Variants in DYNC2H1 observed in about 807,000 individuals in gnomAD.
DYNC2H1 encodes cytoplasmic dynein 2 heavy chain 1.
In DYNC2H1, 410 loss-of-function variants were observed where a neutral mutation model predicts 570.0. That is an observed-to-expected ratio of 0.72 (90% confidence interval 0.66 to 0.78). The LOEUF (loss-of-function observed/expected upper bound fraction) is 0.78. Ranked by LOEUF, DYNC2H1 falls within the 30% of genes least tolerant of loss-of-function variation. The pLI is 0.00. For synonymous variants in DYNC2H1, 1,688 were observed against 1,677.6 expected, an observed-to-expected ratio of 1.01 and a Z score of -0.15; for missense variants, 4,865 against 5,046.4, an observed-to-expected ratio of 0.96 and a Z score of 1.09.
intron 17 of DYNC2H1, among the ~76,000 whole-genome samples, chr11:103,142,117 T>A (rs1003902202): frequency 6.6e-6 from 1 of 152,256 alleles, no homozygotes; most frequent in African/African-American, 2.4e-5. Flanking sequence ...CTGTCACCCC[T>A]TTCTTTGACT....
intron 87 of DYNC2H1, among the ~76,000 whole-genome samples, chr11:103,463,611 C>G (rs1317291474): frequency 6.6e-6 from 1 of 152,006 alleles, no homozygotes; most frequent in African/African-American, 2.4e-5. Flanking sequence ...ATTAGCCAGG[C>G]CTGGTGGTGC....
At chr11:103,258,899 A>T (rs1406584190) in intron 69 of DYNC2H1, among the ~76,000 whole-genome samples, 1 of 152,200 alleles carries the variant, frequency 6.6e-6, no homozygotes, top group Non-Finnish European at 1.5e-5. Context: ...TCTCAATTTC[A>T]TATGTGATCT....
chr11:103,342,572 G>A lies in DYNC2H1; in HGVS notation c.12040-15671G>A, dbSNP rs187139508. On this transcript the variant is annotated intron_variant, in intron 82 of 88. Transcript: ENST00000375735. ...GGCTGGAGTGCAGTGGCGTGATCTC[G>A]GCTCACTGCAAGCTCCGCCTCCCAG... is the stretch of plus-strand genomic sequence containing the variant. 8.7e-5 allele frequency among the ~76,000 whole-genome samples: 13 copies of A among 149,868 alleles called. No homozygotes were observed. The East Asian group carries it at 1.2e-3, about 14-fold the overall frequency.
rs10690307 is a variant in DYNC2H1, at chr11:103,304,736, T to TGCG, written c.11382+17_11382+18insCGG. On this transcript the variant is annotated intron_variant, in intron 77 of 88. Transcript: ENST00000375735. ...TCTGGAAAAGGTAGATTCAGATAAA[T>TGCG]GTACAAATAATATCTATTATACTCA... 8.6e-5 allele frequency: 139 copies of TGCG among 1,610,722 alleles called. 1 individual carries two copies. In the Admixed American group the frequency reaches 2.3e-3, roughly 26 times the overall value.
chr11:103,109,511 T>C lies in DYNC2H1; in HGVS notation c.-64T>C. ...AGCAAAGCTCCTCTCTTCCCTTCACTTCCCTCCGGACTGGTTTCTTCTTCC... is the reference window on the plus strand; with the variant it reads ...AGCAAAGCTCCTCTCTTCCCTTCACCTCCCTCCGGACTGGTTTCTTCTTCC... On this transcript the variant is annotated 5_prime_UTR_variant, in exon 1 of 89. Coordinates refer to ENST00000375735, the MANE Select transcript of DYNC2H1 (RefSeq NM_001377.3). The C allele has an allele frequency of 6.7e-7, 1 of 1,489,298 alleles. No individual in the cohort carries two copies. The highest frequency in any genetic ancestry group is 1.2e-5 in the South Asian group (1 of 81,748). The allele number at this position is 1,489,298 out of a possible 1,614,324, so 92.3% of individuals were successfully genotyped here. A position where few individuals can be genotyped will look rare whatever the true frequency, so the allele number is the denominator to read the frequency against.
At chr11:103,161,073 C>G in intron 29 of DYNC2H1, 29 bp downstream of exon 29, 1 of 1,205,040 alleles carries the variant, frequency 8.3e-7, no homozygotes, top group South Asian at 1.6e-5. Flanking sequence ...AATATGAAAA[C>G]AAAAAGAATT....
chr11:103,351,924 A>G lies in DYNC2H1; in HGVS notation c.12040-6319A>G, dbSNP rs531799067. Among the ~76,000 whole-genome samples, 3 of 152,220 alleles carry G rather than the reference A, an allele frequency of 2.0e-5. No homozygotes were observed. In the East Asian group the frequency reaches 5.8e-4, roughly 29 times the overall value. On this transcript the variant is annotated intron_variant, in intron 82 of 88. Coordinates refer to ENST00000375735, the MANE Select transcript of DYNC2H1 (RefSeq NM_001377.3). ...TTTTAACTTCTAATTTAATTTTTTG[A>G]CCAACTATAGCCCCACTTAGAAAAA...
intron 82 of DYNC2H1, among the ~76,000 whole-genome samples, chr11:103,347,240 G>T (rs1429316820): frequency 6.6e-6 from 1 of 152,126 alleles, no homozygotes; most frequent in East Asian, 1.9e-4. Flanking sequence ...AGCGAGAAGG[G>T]CTTCTCTATA....
At chr11:103,149,859 A>T (rs946395118) in intron 20 of DYNC2H1, among the ~76,000 whole-genome samples, 1 of 152,036 alleles carries the variant, frequency 6.6e-6, no homozygotes, top group Admixed American at 6.6e-5. Flanking sequence ...ATGCTCAACT[A>T]GGGGTTATTA....
Position 103,264,394 on chromosome 11 carries a change from C to T in DYNC2H1, c.10695+4417C>T, listed in dbSNP as rs773750174. Among the ~76,000 whole-genome samples, 9 of 152,042 alleles carry T rather than the reference C, an allele frequency of 5.9e-5. No homozygotes were observed. The highest frequency in any genetic ancestry group is 9.7e-5 in the African/African-American group (4 of 41,392). ...TCATGATACCACAACGTGGCAGAAACACAACAAAAAAAGAAAATTTCAGGC... is the reference window on the plus strand; with the variant it reads ...TCATGATACCACAACGTGGCAGAAATACAACAAAAAAAGAAAATTTCAGGC... On this transcript the variant is annotated intron_variant, in intron 70 of 88. Coordinates refer to ENST00000375735, the MANE Select transcript of DYNC2H1 (RefSeq NM_001377.3). The surrounding 1 kb of genome is among the most constrained non-coding windows in gnomAD (Gnocchi z 4.8).
rs1008672275 is a variant in DYNC2H1, at chr11:103,439,014, T to G, written c.12456+2982T>G. ...AATTCCGCAAATGTGATTAATACTT[T>G]CCTGGTGCCAAACACTGTGTGAGGT... On this transcript the variant is annotated intron_variant, in intron 85 of 88. Transcript: ENST00000375735. The surrounding 1 kb of genome is among the most constrained non-coding windows in gnomAD (Gnocchi z 4.1). Among the ~76,000 whole-genome samples, 1 of 152,112 alleles carries G rather than the reference T, an allele frequency of 6.6e-6. No individual in the cohort carries two copies. Among genetic ancestry groups the G allele is most frequent in the Non-Finnish European group, 1.5e-5 (1 of 67,990 alleles).
chr11:103,288,429 G>C (rs1172621206), intron 75 of DYNC2H1, among the ~76,000 whole-genome samples: 2 of 151,824 alleles, frequency 1.3e-5, no homozygotes, highest in African/African-American at 2.4e-5. Context: ...CCTTGGGAAG[G>C]AATTTAGTTT....
At chr11:103,400,595 G>A (rs897659242) in intron 84 of DYNC2H1, among the ~76,000 whole-genome samples, 2 of 151,894 alleles carry the variant, frequency 1.3e-5, no homozygotes, top group Admixed American at 1.3e-4. Flanking sequence ...TTGGAGAATA[G>A]AAACTTTGCA....
At chr11:103,302,985 T>C (rs965417686) in intron 75 of DYNC2H1, 108 bp from the exon 76 acceptor site, 3 of 816,534 alleles carry the variant, frequency 3.7e-6, no homozygotes, top group Admixed American at 7.8e-5. Flanking sequence ...TATTATGAGA[T>C]TACAACTCAC....
chr11:103,358,415 T>C lies in DYNC2H1; in HGVS notation c.12156+56T>C, dbSNP rs934055842. On this transcript the variant is annotated intron_variant, in intron 83 of 88. Coordinates refer to ENST00000375735, the MANE Select transcript of DYNC2H1 (RefSeq NM_001377.3). ...TGCTTTTTCTCCCGCATCGTAACCATGTGCTCCCCATTTCTGCCTGAGTCA... is the reference window on the plus strand; with the variant it reads ...TGCTTTTTCTCCCGCATCGTAACCACGTGCTCCCCATTTCTGCCTGAGTCA... 27 of 1,196,762 alleles carry C rather than the reference T, an allele frequency of 2.3e-5. 1 individual carries two copies. The Admixed American group carries it at 2.6e-4, about 11-fold the overall frequency. 74.1% of individuals were successfully genotyped at this position (1,196,762 alleles called of 1,614,324 possible). A position where few individuals can be genotyped will look rare whatever the true frequency, so the allele number is the denominator to read the frequency against.
intron 17 of DYNC2H1, among the ~76,000 whole-genome samples, chr11:103,136,296 A>G (rs1018543533): frequency 8.6e-5 from 13 of 151,834 alleles, no homozygotes; most frequent in South Asian, 4.2e-4. Flanking sequence ...ACATATGTAT[A>G]CATGTGCCAT....
intron 84 of DYNC2H1, among the ~76,000 whole-genome samples, chr11:103,412,593 T>TCTGTGTATTCTAACATGC (rs1943131644): frequency 6.6e-6 from 1 of 152,186 alleles, no homozygotes. Context: ...GTTATACATT[T>TCTGTGTATTCTAACATGC]CTGTGTATTC....
At chr11:103,340,445 T>C (rs1411130477) in intron 82 of DYNC2H1, among the ~76,000 whole-genome samples, 1 of 152,218 alleles carries the variant, frequency 6.6e-6, no homozygotes, top group Non-Finnish European at 1.5e-5. Flanking sequence ...TATGAAGCCT[T>C]ATCTTTAGCT....
chr11:103,282,010 C>G, intron 71 of DYNC2H1, 169 bp from the exon 72 acceptor site: 1 of 495,388 alleles, frequency 2.0e-6, no homozygotes, highest in Non-Finnish European at 3.5e-6. Context: ...TTTATGTTGT[C>G]ACATTAATTC....
Sources: gnomAD v4.1 joint callset for allele counts (sites outside exome capture counted in the v4.1 genomes callset) on GRCh38, gnomAD v4.1.1 for gene constraint, Gnocchi (gnomAD v3.1) non-coding constraint, MANE v1.5 for transcripts, NCBI Gene and HGNC (gene_info 2026-07-23, HGNC 2026-07-21) for gene names.